Variants in PLA2G4C observed in about 807,000 individuals in gnomAD.
PLA2G4C encodes cytosolic phospholipase A2 gamma.
A neutral mutation model predicts 73.8 loss-of-function variants in PLA2G4C; 64 were observed. The observed-to-expected ratio is 0.87, with a 90% confidence interval of 0.71 to 1.07. The LOEUF (loss-of-function observed/expected upper bound fraction) is 1.07, where lower values mean the gene tolerates loss of function less well. Among genes scored for constraint, PLA2G4C ranks in the 50% least tolerant of loss-of-function variants. PLA2G4C has a pLI of 0.00. For missense variants in PLA2G4C, 622 were observed against 665.4 expected (o/e 0.93, Z 0.72); for synonymous variants, 254 against 252.1 (o/e 1.01, Z -0.07).
intron 12 of PLA2G4C, among the ~76,000 whole-genome samples, chr19:48,069,959 G>A (rs971625564): frequency 5.3e-5 from 8 of 151,996 alleles, no homozygotes; most frequent in East Asian, 1.9e-4. Flanking sequence ...TAGTAGAGAC[G>A]GGGTTTCGCT....
At chr19:48,085,832 G>A (rs1005304602) in intron 9 of PLA2G4C, among the ~76,000 whole-genome samples, 1 of 152,168 alleles carries the variant, frequency 6.6e-6, no homozygotes, top group African/African-American at 2.4e-5. Flanking sequence ...TCCAGTCTCT[G>A]GGGTAAGGCC....
In PLA2G4C at chr19:48,097,338, C is replaced by T. The variant is rs529490879; in HGVS notation, c.568+801G>A. On this transcript the variant is annotated intron_variant, in intron 6 of 16. Coordinates refer to ENST00000599921, the MANE Select transcript of PLA2G4C (RefSeq NM_003706.3). ...CGCGATCTCAGCTCACTGCAACCTC[C>T]GCCTCCCGGGTTCACGCCATTCTCC... Among the ~76,000 whole-genome samples, 45 of 145,076 alleles carry T rather than the reference C, an allele frequency of 3.1e-4. 1 individual carries two copies. The highest frequency in any genetic ancestry group is 8.8e-4 in the Admixed American group (13 of 14,720).
chr19:48,098,063 AG>A, intron 6 of PLA2G4C, 75 bp downstream of exon 6: 3 of 1,506,892 alleles, frequency 2.0e-6, no homozygotes, highest in Non-Finnish European at 2.7e-6. Flanking sequence ...AGGGGAGGGC[AG>A]GGAAACATTC....
intron 9 of PLA2G4C, 103 bp downstream of exon 9, chr19:48,088,583 C>A (rs1045335408): frequency 1.2e-6 from 1 of 801,974 alleles, no homozygotes; most frequent in African/African-American, 1.7e-5. Context: ...CAAATGGGCA[C>A]CAAATGAATC....
In PLA2G4C at chr19:48,052,856, C is replaced by A. The variant is rs139389281; in HGVS notation, c.1580+141G>T. ...GACCCTGTTCATGGTCTGTCCCCTG[C>A]TGAGACGCAAGCTCAAGTAGGGGAG... On this transcript the variant is annotated intron_variant, in intron 16 of 16. Coordinates refer to ENST00000599921, the MANE Select transcript of PLA2G4C (RefSeq NM_003706.3). 8 of 826,048 alleles carry A rather than the reference C, an allele frequency of 9.7e-6. No individual in the cohort carries two copies. The Admixed American group carries it at 1.8e-4, about 19-fold the overall frequency. 51.2% of individuals were successfully genotyped at this position (826,048 alleles called of 1,614,324 possible).
rs11564563 is a variant in PLA2G4C at position 48,087,487 on chromosome 19, T to C, written c.790+1199A>G. Among the ~76,000 whole-genome samples the C allele has an allele frequency of 1.8e-3, 274 of 152,288 alleles. 1 individual carries two copies. Among genetic ancestry groups the C allele is most frequent in the African/African-American group, 5.0e-3 (206 of 41,570 alleles). On this transcript the variant is annotated intron_variant, in intron 9 of 16. Coordinates refer to ENST00000599921, the MANE Select transcript of PLA2G4C (RefSeq NM_003706.3). ...AAGAGACAGATTCACAGTTCCTCTC[T>C]ACTCAGAACACCAACATTCCTACAG...
At chr19:48,054,810 G>A in intron 15 of PLA2G4C, 68 bp downstream of exon 15, 1 of 1,398,076 alleles carries the variant, frequency 7.2e-7, no homozygotes, top group Non-Finnish European at 1.0e-6. Context: ...TCTCAGGTAT[G>A]TTTTTATTAG....
chr19:48,050,976 G>C (rs1967704801), intron 16 of PLA2G4C, among the ~76,000 whole-genome samples: 1 of 152,112 alleles, frequency 6.6e-6, no homozygotes, highest in African/African-American at 2.4e-5. Flanking sequence ...CTCCTGGCCA[G>C]TACATGACTT....
chr19:48,055,030 T>C lies in PLA2G4C; in HGVS notation c.1277A>G (p.Asp426Gly). 6.2e-7 allele frequency: 1 copy of C among 1,610,684 alleles called. No homozygotes were observed. The highest frequency in any genetic ancestry group is 8.5e-7 in the Non-Finnish European group (1 of 1,178,830). Residue 426 changes from aspartate to glycine, a missense_variant, in exon 15 of 17, where the codon GAC (aspartate) becomes GGC (glycine). Transcript: ENST00000599921. ...GGGGATCTTGTGGCGGCGGCAGTAG[T>C]CAGTGGTAGCCCGGATGGTCTGAGA... ...DPFETIRATT[D>G]YCRRHKIPFP...
At chr19:48,082,639 C>G (rs897652179) in intron 10 of PLA2G4C, among the ~76,000 whole-genome samples, 1 of 151,074 alleles carries the variant, frequency 6.6e-6, no homozygotes, top group African/African-American at 2.4e-5. Context: ...GCTGGGGTTA[C>G]AGGCGCCCGC....
At chr19:48,055,389 G>GTATATATATA (rs4002927) in intron 14 of PLA2G4C, among the ~76,000 whole-genome samples, 16,789 of 132,140 alleles carry the variant, frequency 0.13, 1,359 homozygotes, top group Non-Finnish European at 0.17. Context: ...CATCTCTACA[G>GTATATATATA]TATATATATA....
chr19:48,081,424 G>C (rs1212250189), intron 10 of PLA2G4C, among the ~76,000 whole-genome samples: 1 of 152,120 alleles, frequency 6.6e-6, no homozygotes, highest in Non-Finnish European at 1.5e-5. Context: ...ACGGACTTCA[G>C]AGATTCAGAA....
Position 48,053,149 on chromosome 19 carries a change from T to C in PLA2G4C, c.1430-2A>G. 6.3e-7 allele frequency: 1 copy of C among 1,578,570 alleles called. No homozygotes were observed. Among genetic ancestry groups the C allele is most frequent in the Non-Finnish European group, 8.7e-7 (1 of 1,155,802 alleles). ...TGTCACTCCATGCCTCAATATCACC[T>C]GAAGCATAACCAAACCAACAAAGAA... On this transcript the variant is annotated splice_acceptor_variant, in intron 15 of 16. Transcript: ENST00000599921. LOFTEE classifies it high-confidence loss of function.
At chr19:48,053,196 A>G in intron 15 of PLA2G4C, 49 bp from the exon 16 acceptor site, 4 of 1,431,416 alleles carry the variant, frequency 2.8e-6, no homozygotes, top group Non-Finnish European at 3.8e-6. Context: ...AGTTTGGACA[A>G]TTAATTCTGC....
chr19:48,104,417 G>A (rs1019815345), intron 4 of PLA2G4C, 171 bp downstream of exon 4: 3 of 613,668 alleles, frequency 4.9e-6, no homozygotes, highest in Non-Finnish European at 2.8e-6. Context: ...GGAATCTGAT[G>A]TGAACTCCAG....
At chr19:48,109,800 C>A (rs1275946970) in intron 1 of PLA2G4C, among the ~76,000 whole-genome samples, 1 of 152,054 alleles carries the variant, frequency 6.6e-6, no homozygotes, top group African/African-American at 2.4e-5. Flanking sequence ...CAGGCGCCCG[C>A]CACCACGCCC....
chr19:48,063,672 A>C (rs1236853428), intron 13 of PLA2G4C, among the ~76,000 whole-genome samples: 1 of 149,114 alleles, frequency 6.7e-6, no homozygotes, highest in Non-Finnish European at 1.5e-5. Flanking sequence ...CCCAGAGTTA[A>C]CCTGAAAACC....
At chr19:48,104,807 G>A (rs2032086956) in intron 3 of PLA2G4C, 83 bp from the exon 4 acceptor site, 18 of 1,401,068 alleles carry the variant, frequency 1.3e-5, no homozygotes, top group Non-Finnish European at 1.8e-5. Flanking sequence ...CTGGGGCCGG[G>A]CACCGTGGCT....
At chr19:48,060,979 T>C (rs906276461) in intron 14 of PLA2G4C, among the ~76,000 whole-genome samples, 1 of 152,160 alleles carries the variant, frequency 6.6e-6, no homozygotes, top group South Asian at 2.1e-4. Context: ...GATATAGTTA[T>C]ATATTATGTA....
Sources: allele counts gnomAD v4.1 joint callset (sites outside exome capture counted in the v4.1 genomes callset), GRCh38; gene constraint gnomAD v4.1.1; transcripts MANE v1.5; gene names NCBI Gene and HGNC (gene_info 2026-07-23, HGNC 2026-07-21).